Variants in TRHDE observed in about 807,000 individuals in gnomAD.
TRHDE encodes thyrotropin-releasing hormone-degrading ectoenzyme.
A neutral mutation model predicts 125.7 loss-of-function variants in TRHDE; 72 were observed. That is an observed-to-expected ratio of 0.57 (90% CI 0.47 to 0.70). The LOEUF is 0.70. Ranked by LOEUF, TRHDE falls within the 30% of genes least tolerant of loss-of-function variation. The pLI is 0.00. For synonymous variants in TRHDE, 509 were observed against 509.1 expected, an observed-to-expected ratio of 1.00 and a Z score of 0.00; for missense variants, 1,110 against 1,327.1, an observed-to-expected ratio of 0.84 and a Z score of 2.54.
chr12:72,589,463 C>A (rs963676614), intron 12 of TRHDE, among the ~76,000 whole-genome samples: 3 of 152,026 alleles, frequency 2.0e-5, no homozygotes, highest in African/African-American at 7.2e-5. Context: ...GGTTTTAAGC[C>A]CCACATGCAT....
intron 6 of TRHDE, among the ~76,000 whole-genome samples, chr12:72,512,607 A>G (rs916789121): frequency 3.5e-5 from 5 of 141,910 alleles, no homozygotes; most frequent in East Asian, 2.0e-4. Context: ...TCATATATAT[A>G]ATTATATATA....
chr12:72,228,485 G>C (rs899418949), intron 2 of TRHDE, among the ~76,000 whole-genome samples: 1 of 152,174 alleles, frequency 6.6e-6, no homozygotes, highest in Non-Finnish European at 1.5e-5. Context: ...TCCCTCCTAG[G>C]CCTCTGGGCC....
chr12:72,370,746 TA>T (rs1308942018), intron 2 of TRHDE, among the ~76,000 whole-genome samples: 2 of 151,970 alleles, frequency 1.3e-5, no homozygotes, highest in African/African-American at 4.8e-5. Context: ...TTGTTAATGT[TA>T]TTTTTTTTTT....
intron 9 of TRHDE, among the ~76,000 whole-genome samples, chr12:72,567,198 C>G (rs1437653366): frequency 1.3e-5 from 2 of 151,930 alleles, no homozygotes; most frequent in African/African-American, 4.8e-5. Flanking sequence ...TCATGAACTA[C>G]TGTCTAAAGA....
At chr12:72,361,167 CT>C (rs1344252944) in intron 2 of TRHDE, among the ~76,000 whole-genome samples, 1 of 151,810 alleles carries the variant, frequency 6.6e-6, no homozygotes, top group Non-Finnish European at 1.5e-5. Flanking sequence ...GTTAATTCTT[CT>C]GTGGAATTGC....
chr12:72,215,109 C>T (rs529212793), intron 2 of TRHDE, among the ~76,000 whole-genome samples: 33 of 150,834 alleles, frequency 2.2e-4, no homozygotes, highest in Non-Finnish European at 4.0e-4. Context: ...AGAGAGTCAG[C>T]GAAGGGAGAT....
chr12:72,451,003 C>T (rs909211549), intron 3 of TRHDE, among the ~76,000 whole-genome samples: 2 of 152,040 alleles, frequency 1.3e-5, no homozygotes, highest in African/African-American at 4.8e-5. Flanking sequence ...TATTTGTTTT[C>T]ACTATTGAGT....
chr12:72,536,369 T>C (rs1868859086), intron 6 of TRHDE, among the ~76,000 whole-genome samples: 1 of 152,122 alleles, frequency 6.6e-6, no homozygotes, highest in Admixed American at 6.6e-5. Context: ...TAGGGGGACC[T>C]GCCTTCAGAC....
At chr12:72,578,711 G>GTAAT (rs1871111981) in intron 12 of TRHDE, among the ~76,000 whole-genome samples, 1 of 152,116 alleles carries the variant, frequency 6.6e-6, no homozygotes. Context: ...AATTGATAAA[G>GTAAT]TAATTGTTAA....
At position 72,656,961 on chromosome 12, in the gene TRHDE, A is replaced by G; in HGVS notation, c.3019A>G (p.Ile1007Val). 6.2e-7 allele frequency: 1 copy of G among 1,611,582 alleles called. No homozygotes were observed. Among genetic ancestry groups the G allele is most frequent in the Non-Finnish European group, 8.5e-7 (1 of 1,178,282 alleles). ...GEALFMNSKL[I>V]SGVTEFLNTE... Reference sequence around the variant, plus strand: ...AGCATTGTTTATGAATTCCAAACTCATCAGTGGTGTCACAGAATTTCTTAA... The same window carrying G: ...AGCATTGTTTATGAATTCCAAACTCGTCAGTGGTGTCACAGAATTTCTTAA... Residue 1007 changes from isoleucine to valine, a missense_variant, in exon 18 of 19, where the codon ATC (isoleucine) becomes GTC (valine). By Grantham distance (29) the Ile-to-Val change is conservative. This residue lies in a region of TRHDE where 527 missense variants were observed against 651.8 expected (regional missense o/e 0.81). Coordinates refer to ENST00000261180, the MANE Select transcript of TRHDE (RefSeq NM_013381.3).
intron 12 of TRHDE, among the ~76,000 whole-genome samples, chr12:72,591,428 A>G (rs1871676916): frequency 1.3e-5 from 2 of 152,292 alleles, no homozygotes; most frequent in South Asian, 4.1e-4. Context: ...ATAAGTCCAT[A>G]TGCTATTTGC....
At chr12:72,621,240 C>A in intron 14 of TRHDE, 35 bp downstream of exon 14, 1 of 1,380,548 alleles carries the variant, frequency 7.2e-7, no homozygotes, top group South Asian at 1.2e-5. Flanking sequence ...TTCTTTACCC[C>A]TAGAGCTGTA....
chr12:72,526,716 G>A (rs1592513283), intron 6 of TRHDE, among the ~76,000 whole-genome samples: 1 of 152,238 alleles, frequency 6.6e-6, no homozygotes, highest in Admixed American at 6.5e-5. Context: ...TGAATGTAGA[G>A]TGAGTGAGGT....
chr12:72,291,828 G>A (rs1170052119), intron 2 of TRHDE, among the ~76,000 whole-genome samples: 2 of 152,156 alleles, frequency 1.3e-5, no homozygotes, highest in African/African-American at 4.8e-5. Context: ...ATCCATGGGA[G>A]GTCCTGGAAC....
chr12:72,360,082 A>C (rs1295181351), intron 2 of TRHDE, among the ~76,000 whole-genome samples: 4 of 151,716 alleles, frequency 2.6e-5, no homozygotes, highest in Non-Finnish European at 4.4e-5. Flanking sequence ...ATTTCACAGC[A>C]CTCACACAAT....
chr12:72,141,267 A>G (rs1876105563), intron 2 of TRHDE, among the ~76,000 whole-genome samples: 1 of 152,186 alleles, frequency 6.6e-6, no homozygotes, highest in Non-Finnish European at 1.5e-5. Context: ...CTACAAAATC[A>G]TTCCTTTGAG....
At chr12:72,106,511 T>C (rs959999477) in intron 2 of TRHDE, among the ~76,000 whole-genome samples, 6 of 152,142 alleles carry the variant, frequency 3.9e-5, no homozygotes, top group African/African-American at 1.4e-4. Flanking sequence ...GCACATTTTA[T>C]ATGTGTAAAT....
chr12:72,512,332 G>C lies in TRHDE; in HGVS notation c.1722+12697G>C, dbSNP rs149186942. The stretch of plus-strand genomic sequence containing the variant: ...TTATTTATGCTAGACTTCATCAGTA[G>C]TCATAATGAAAAATAAAAAGTTAGT... On this transcript the variant is annotated intron_variant, in intron 6 of 18. Transcript: ENST00000261180. Among the ~76,000 whole-genome samples, 486 of 147,964 alleles carry C rather than the reference G, an allele frequency of 3.3e-3. 3 individuals carry two copies. Among genetic ancestry groups the C allele is most frequent in the African/African-American group, 0.011 (444 of 40,240 alleles).
chr12:72,623,660 TTA>T, intron 15 of TRHDE, among the ~76,000 whole-genome samples: 2 of 152,010 alleles, frequency 1.3e-5, no homozygotes, highest in Non-Finnish European at 2.9e-5. Context: ...AAAGGAAACA[TTA>T]CTATCTTGGA....
Sources: gnomAD v4.1 joint callset for allele counts (sites outside exome capture counted in the v4.1 genomes callset) on GRCh38, gnomAD v4.1.1 for gene constraint, gnomAD v4.1.1 regional missense constraint, MANE v1.5 for transcripts, NCBI Gene and HGNC (gene_info 2026-07-23, HGNC 2026-07-21) for gene names.